DYNC2I2: variants seen among roughly 807,000 people sequenced by gnomAD.
DYNC2I2 encodes cytoplasmic dynein 2 intermediate chain 2.
In DYNC2I2, 39 loss-of-function variants were observed where a neutral mutation model predicts 52.0. That is an observed-to-expected ratio of 0.75 (90% CI 0.58 to 0.98). The LOEUF (loss-of-function observed/expected upper bound fraction) is 0.98, where lower values mean the gene tolerates loss of function less well. Among genes scored for constraint, DYNC2I2 ranks in the 50% least tolerant of loss-of-function variants. DYNC2I2 has a pLI of 0.00. For missense variants in DYNC2I2, 743 were observed against 728.4 expected (o/e 1.02, Z -0.23); for synonymous variants, 359 against 321.1 (o/e 1.12, Z -1.26).
intron 1 of DYNC2I2, among the ~76,000 whole-genome samples, chr9:128,644,731 A>G (rs899543810): frequency 2.3e-4 from 35 of 152,352 alleles, no homozygotes; most frequent in Non-Finnish European, 4.0e-4. Context: ...CACAAACTGA[A>G]GGATCACGGC....
At chr9:128,667,655 C>CACCTCCCT in the DYNC2I2 span, among the ~76,000 whole-genome samples, 1 of 150,062 alleles carries the variant, frequency 6.7e-6, no homozygotes, top group African/African-American at 2.5e-5. Flanking sequence ...CTGCAACCTC[C>CACCTCCCT]ACCTCCCTGG....
At chr9:128,648,313 A>G (rs1271823602) in intron 1 of DYNC2I2, among the ~76,000 whole-genome samples, 2 of 152,170 alleles carry the variant, frequency 1.3e-5, no homozygotes, top group Non-Finnish European at 2.9e-5. Context: ...AGGCTGAGAC[A>G]GGAGAATCAC....
At chr9:128,666,484 G>C in the DYNC2I2 span, among the ~76,000 whole-genome samples, 1 of 151,896 alleles carries the variant, frequency 6.6e-6, no homozygotes, top group African/African-American at 2.4e-5. Flanking sequence ...AGACAATGCC[G>C]GGCATGGTGG....
intron 2 of DYNC2I2, among the ~76,000 whole-genome samples, chr9:128,639,049 A>T: frequency 6.6e-6 from 1 of 152,168 alleles, no homozygotes; most frequent in African/African-American, 2.4e-5. Flanking sequence ...AGGCAGGAGC[A>T]TCTCTTGAGC....
rs540078770 is a variant in DYNC2I2 at position 128,656,008 on chromosome 9, G to A, written c.186+533C>T. On this transcript the variant is annotated intron_variant, in intron 1 of 8. Transcript: ENST00000372715. ...GGACAGCTTAAGCCCAGGAGTTGGAGACCAGCCAGGGCAACACATGGAGAC... is the reference window on the plus strand; with the variant it reads ...GGACAGCTTAAGCCCAGGAGTTGGAAACCAGCCAGGGCAACACATGGAGAC... 5.6e-4 allele frequency among the ~76,000 whole-genome samples: 85 copies of A among 151,750 alleles called. 2 individuals are homozygous for A. Among genetic ancestry groups the A allele is most frequent in the African/African-American group, 2.0e-3 (83 of 41,390 alleles).
intron 1 of DYNC2I2, among the ~76,000 whole-genome samples, chr9:128,646,309 A>C (rs1860617523): frequency 6.6e-6 from 1 of 152,144 alleles, no homozygotes; most frequent in Admixed American, 6.5e-5. Flanking sequence ...CCTGGGTTCT[A>C]GCAATTCTCC....
chr9:128,657,064 C>T (rs533850784), upstream of DYNC2I2, among the ~76,000 whole-genome samples: 17 of 152,310 alleles, frequency 1.1e-4, no homozygotes, highest in African/African-American at 3.8e-4. Context: ...AGCCTGCGGC[C>T]GTGGCCGGCC....
At position 128,656,523 on chromosome 9, in the gene DYNC2I2, CG is replaced by C; in HGVS notation, c.186+17del. The C allele has an allele frequency of 7.7e-7, 1 of 1,296,068 alleles. No homozygotes were observed. Among genetic ancestry groups the C allele is most frequent in the Non-Finnish European group, 9.7e-7 (1 of 1,025,788 alleles). 80.3% of individuals were successfully genotyped at this position (1,296,068 alleles called of 1,614,324 possible). On this transcript the variant is annotated intron_variant, in intron 1 of 8. Transcript: ENST00000372715. ...GCCTTCCCGCCCGCGTCGCTCCGCG[CG>C]GGGCCCGCGCCCTCACCGTCTCCCA...
Position 128,641,974 on chromosome 9 carries a change from C to T in DYNC2I2, c.187-1035G>A, listed in dbSNP as rs1268928476. Among the ~76,000 whole-genome samples, 7 of 139,534 alleles carry T rather than the reference C, an allele frequency of 5.0e-5. No homozygotes were observed. In the East Asian group the frequency reaches 1.3e-3, roughly 25 times the overall value. The allele number at this position is 139,534 out of a possible 152,430, so 91.5% of individuals were successfully genotyped here. On this transcript the variant is annotated intron_variant, in intron 1 of 8. Transcript: ENST00000372715. The stretch of plus-strand genomic sequence containing the variant: ...CACAAAGCAGATGTTCATTTATATA[C>T]ATACACACACACACACACACACACA...
In DYNC2I2 at chr9:128,636,262, G is replaced by A; in HGVS notation, c.703+19C>T. 1 of 1,556,620 alleles carries A rather than the reference G, an allele frequency of 6.4e-7. No individual in the cohort carries two copies. The highest frequency in any genetic ancestry group is 2.4e-5 in the East Asian group (1 of 41,412). ...CTGAGTCCTGAGAGGAGAGGAGGCG[G>A]ACACAGCAGGCAGCTCACCTGCGAC... On this transcript the variant is annotated intron_variant, in intron 4 of 8. Transcript: ENST00000372715.
rs1860215177 is a variant in DYNC2I2, at chr9:128,633,672, T to TGGGGGAAG, written c.*71_*72insCTTCCCCC. On this transcript the variant is annotated 3_prime_UTR_variant, in exon 9 of 9. Coordinates refer to ENST00000372715, the MANE Select transcript of DYNC2I2 (RefSeq NM_052844.4). ...GATGACTTCCCCCAAAGCTTTGCTT[T>TGGGGGAAG]TCTTCATTTGGCTTGCGTCAGAAAC... The TGGGGGAAG allele has an allele frequency of 6.6e-7, 1 of 1,511,656 alleles. No homozygotes were observed. Among genetic ancestry groups the TGGGGGAAG allele is most frequent in the Admixed American group, 2.0e-5 (1 of 50,934 alleles). The allele number at this position is 1,511,656 out of a possible 1,614,324, so 93.6% of individuals were successfully genotyped here. A position where few individuals can be genotyped will look rare whatever the true frequency, so the allele number is the denominator to read the frequency against.
chr9:128,634,212 C>CG lies in DYNC2I2; in HGVS notation c.1372+13dup, dbSNP rs761374042. The CG allele has an allele frequency of 5.6e-6, 9 of 1,610,122 alleles. No individual in the cohort carries two copies. The highest frequency in any genetic ancestry group is 1.7e-4 in the Middle Eastern group (1 of 6,010). Reference sequence around the variant, plus strand: ...ACCCCTTAAACAGATCCAGGCCTAGCGGCCCCTTCCTACCTTTCCCAGAGG... The same window carrying CG: ...ACCCCTTAAACAGATCCAGGCCTAGCGGGCCCCTTCCTACCTTTCCCAGAGG... On this transcript the variant is annotated intron_variant, in intron 8 of 8. Transcript: ENST00000372715.
upstream of DYNC2I2, among the ~76,000 whole-genome samples, chr9:128,659,238 G>A (rs1307793451): frequency 3.3e-5 from 5 of 151,906 alleles, no homozygotes; most frequent in Non-Finnish European, 5.9e-5. Flanking sequence ...GGGGCCGGGC[G>A]CGGTGGCTCA....
At chr9:128,637,096 C>A in intron 2 of DYNC2I2, 69 bp from the exon 3 acceptor site, 1 of 1,138,380 alleles carries the variant, frequency 8.8e-7, no homozygotes, top group East Asian at 2.5e-5. Context: ...TAACCAAACC[C>A]CACCTAGGCC....
intron 3 of DYNC2I2, among the ~76,000 whole-genome samples, 196 bp from the exon 4 acceptor site, chr9:128,636,634 C>A (rs1428053550): frequency 6.6e-6 from 1 of 152,180 alleles, no homozygotes; most frequent in Admixed American, 6.5e-5. Flanking sequence ...GGTCCCCAGG[C>A]ACCAAGGACA....
At chr9:128,636,529 C>T (rs1860419317) in intron 3 of DYNC2I2, 91 bp from the exon 4 acceptor site, 28 of 1,403,642 alleles carry the variant, frequency 2.0e-5, no homozygotes, top group African/African-American at 8.5e-5. Context: ...CGGACACACT[C>T]GCTGTGTCCT....
the DYNC2I2 span, among the ~76,000 whole-genome samples, chr9:128,667,574 A>AT: frequency 2.1e-5 from 3 of 141,270 alleles, no homozygotes; most frequent in South Asian, 2.2e-4. Flanking sequence ...CTCGTCCTGT[A>AT]TTTTTTTCTT....
the DYNC2I2 span, among the ~76,000 whole-genome samples, chr9:128,671,615 G>GGTGCGT: frequency 2.0e-5 from 3 of 151,404 alleles, no homozygotes; most frequent in Admixed American, 2.0e-4. Context: ...TGGGACTACA[G>GGTGCGT]GTGCGTGCCA....
Position 128,656,651 on chromosome 9 carries a change from C to A in DYNC2I2, c.76G>T (p.Val26Phe), listed in dbSNP as rs1370703088. The A allele has an allele frequency of 1.3e-6, 2 of 1,509,488 alleles. No homozygotes were observed. The highest frequency in any genetic ancestry group is 1.8e-6 in the Non-Finnish European group (2 of 1,137,470). The allele number at this position is 1,509,488 out of a possible 1,614,324, so 93.5% of individuals were successfully genotyped here. ...CGCCCCGGCCCCGGGCCGCTCGCAA[C>A]CCCGACTGTCGCCAGCGCCGCAACA... is the stretch of plus-strand genomic sequence containing the variant. ...AGVAALATVG[V>F]ASGPGPGRPG... Residue 26 changes from valine (V) to phenylalanine (F), a missense_variant, in exon 1 of 9, where the codon GTT becomes TTT. By Grantham distance (50) the Val-to-Phe change is conservative. Coordinates refer to ENST00000372715, the MANE Select transcript of DYNC2I2 (RefSeq NM_052844.4).
Sources: gnomAD v4.1 joint callset for allele counts (sites outside exome capture counted in the v4.1 genomes callset) on GRCh38, gnomAD v4.1.1 for gene constraint, MANE v1.5 for transcripts, NCBI Gene and HGNC (gene_info 2026-07-23, HGNC 2026-07-21) for gene names.